Variants in ZBTB20 observed in about 807,000 individuals in gnomAD.
The protein encoded by ZBTB20 is zinc finger and BTB domain containing 20, also known as zinc finger and BTB domain-containing protein 20.
In ZBTB20, 9 loss-of-function variants were observed where a neutral mutation model predicts 56.9. The observed-to-expected ratio is 0.16, with a 90% CI of 0.10 to 0.28. ZBTB20 has a LOEUF of 0.28. Ranked by LOEUF, ZBTB20 falls within the 10% of genes least tolerant of loss-of-function variation. The probability of loss-of-function intolerance (pLI) is 1.00; values close to 1 mark genes in which losing one functional copy is unlikely to be tolerated. For missense variants in ZBTB20, 655 were observed against 1,003.0 expected, an observed-to-expected ratio of 0.65 and a Z score of 4.69; for synonymous variants, 417 against 420.7, an observed-to-expected ratio of 0.99 and a Z score of 0.11.
At chr3:114,816,854 T>C (rs1274065185) in intron 4 of ZBTB20, among the ~76,000 whole-genome samples, 1 of 152,176 alleles carries the variant, frequency 6.6e-6, no homozygotes, top group Non-Finnish European at 1.5e-5. Context: ...ACTATTCCTA[T>C]TTCCAAACTC....
chr3:114,750,653 T>A (rs912742392), intron 5 of ZBTB20, among the ~76,000 whole-genome samples: 1 of 152,206 alleles, frequency 6.6e-6, no homozygotes, highest in African/African-American at 2.4e-5. Context: ...AATTCATTTG[T>A]GTTTCACGTC....
intron 4 of ZBTB20, among the ~76,000 whole-genome samples, chr3:114,853,345 T>G (rs895551143): frequency 2.0e-5 from 3 of 152,248 alleles, no homozygotes; most frequent in African/African-American, 7.2e-5. Flanking sequence ...TGTTCTAAAT[T>G]TCGAAATATC....
At chr3:114,626,232 T>C (rs1263823935) in intron 6 of ZBTB20, among the ~76,000 whole-genome samples, 1 of 152,228 alleles carries the variant, frequency 6.6e-6, no homozygotes, top group Non-Finnish European at 1.5e-5. Flanking sequence ...AGCTTTCATT[T>C]CAGAGGGTAT....
At chr3:114,486,224 C>CT (rs1407141551) in intron 7 of ZBTB20, among the ~76,000 whole-genome samples, 1 of 114,768 alleles carries the variant, frequency 8.7e-6, no homozygotes, top group African/African-American at 2.9e-5. Context: ...ATGTCTAAAA[C>CT]TTTTTTTCTA....
intron 7 of ZBTB20, among the ~76,000 whole-genome samples, chr3:114,452,657 T>C (rs1000382522): frequency 6.6e-6 from 1 of 152,138 alleles, no homozygotes; most frequent in African/African-American, 2.4e-5. Flanking sequence ...GTTACATAAA[T>C]GCATTCTATA....
intron 11 of ZBTB20, among the ~76,000 whole-genome samples, chr3:114,342,542 G>T (rs35089479): frequency 6.6e-6 from 1 of 152,208 alleles, no homozygotes; most frequent in Non-Finnish European, 1.5e-5. Flanking sequence ...TTGGCTGAGT[G>T]ACTTGGGCAT....
At chr3:114,528,822 T>A (rs765820785) in intron 6 of ZBTB20, 2 of 150,982 alleles carry the variant, frequency 1.3e-5, no homozygotes, top group East Asian at 1.9e-4. Context: ...GTATTGCAGA[T>A]TTTTTTTTCC....
chr3:114,694,951 C>T (rs938352288), intron 5 of ZBTB20, among the ~76,000 whole-genome samples: 2 of 152,040 alleles, frequency 1.3e-5, no homozygotes, highest in Non-Finnish European at 2.9e-5. Flanking sequence ...TCTTCTTACC[C>T]TTTATTACTT....
In ZBTB20 at chr3:115,118,703, A is replaced by ATTTTTTTTTTTTT. The variant is rs35607205; in HGVS notation, c.-703+28503_-703+28515dup. The stretch of plus-strand genomic sequence containing the variant: ...GGACCTAAAACTTTACCTGGTACAA[A>ATTTTTTTTTTTTT]TTTTTTTTTTTTTTTTTTTTTTTTT... On this transcript the variant is annotated intron_variant, in intron 1 of 11. Transcript: ENST00000675478. Among the ~76,000 whole-genome samples the ATTTTTTTTTTTTT allele has an allele frequency of 3.0e-4, 25 of 82,214 alleles. 2 individuals carry two copies. Among genetic ancestry groups the ATTTTTTTTTTTTT allele is most frequent in the Admixed American group, 5.1e-4 (3 of 5,854 alleles). The allele number at this position is 82,214 out of a possible 152,430, so 53.9% of individuals were successfully genotyped here. A position where few individuals can be genotyped will look rare whatever the true frequency, so the allele number is the denominator to read the frequency against.
At chr3:114,733,106 T>C (rs2065876913) in intron 5 of ZBTB20, among the ~76,000 whole-genome samples, 1 of 152,216 alleles carries the variant, frequency 6.6e-6, no homozygotes, top group Non-Finnish European at 1.5e-5. Flanking sequence ...AGACATTTTA[T>C]TGGTTTAATG....
At chr3:114,577,382 TA>T (rs1280173373) in intron 6 of ZBTB20, among the ~76,000 whole-genome samples, 8 of 151,794 alleles carry the variant, frequency 5.3e-5, no homozygotes, top group African/African-American at 1.9e-4. Flanking sequence ...CAAAGCACAA[TA>T]AAAATAATAT....
chr3:114,740,872 G>A (rs9283561), intron 5 of ZBTB20, among the ~76,000 whole-genome samples: 14,919 of 152,220 alleles, frequency 0.098, 1,055 homozygotes, highest in East Asian at 0.35. Flanking sequence ...ACTGAGTACT[G>A]TTTAGAGAGC....
intron 5 of ZBTB20, among the ~76,000 whole-genome samples, chr3:114,760,623 T>G (rs1210661734): frequency 6.6e-6 from 1 of 152,152 alleles, no homozygotes; most frequent in Admixed American, 6.6e-5. Flanking sequence ...ATAAACTTAT[T>G]AAGAAACAAA....
intron 2 of ZBTB20, among the ~76,000 whole-genome samples, chr3:115,008,191 C>T (rs1022332180): frequency 2.6e-5 from 4 of 151,878 alleles, no homozygotes; most frequent in African/African-American, 9.7e-5. Flanking sequence ...CTGAATGCCC[C>T]ATAGATACTT....
intron 10 of ZBTB20, among the ~76,000 whole-genome samples, chr3:114,373,066 G>GCCA (rs1242823634): frequency 2.6e-5 from 4 of 151,964 alleles, no homozygotes; most frequent in Non-Finnish European, 5.9e-5. Context: ...AGAGGCACGT[G>GCCA]CCACCATGCC....
chr3:114,897,984 T>C (rs1020041549), intron 4 of ZBTB20, among the ~76,000 whole-genome samples: 18 of 152,158 alleles, frequency 1.2e-4, no homozygotes, highest in Middle Eastern at 3.2e-3. Context: ...GACTCTACTC[T>C]TGCTTGGCTT....
At chr3:114,433,763 G>A (rs2090300613) in intron 7 of ZBTB20, among the ~76,000 whole-genome samples, 1 of 152,174 alleles carries the variant, frequency 6.6e-6, no homozygotes, top group Non-Finnish European at 1.5e-5. Flanking sequence ...AGTGCCACAG[G>A]AGACATACAA....
chr3:114,846,692 T>A (rs2074721872), intron 4 of ZBTB20, among the ~76,000 whole-genome samples: 1 of 152,210 alleles, frequency 6.6e-6, no homozygotes, highest in Admixed American at 6.5e-5. Flanking sequence ...AACAATTGTT[T>A]CTCTATGAAT....
chr3:114,550,958 C>T (rs541535042), intron 6 of ZBTB20, among the ~76,000 whole-genome samples: 7 of 152,112 alleles, frequency 4.6e-5, no homozygotes, highest in Non-Finnish European at 8.8e-5. Context: ...GCCATGTTGG[C>T]CAGGCTTGTG....
Sources: gnomAD v4.1 joint callset for allele counts (sites outside exome capture counted in the v4.1 genomes callset) on GRCh38, gnomAD v4.1.1 for gene constraint, MANE v1.5 for transcripts, NCBI Gene and HGNC (gene_info 2026-07-23, HGNC 2026-07-21) for gene names.